PCDHGA5: variants seen among roughly 807,000 people sequenced by gnomAD.
PCDHGA5 encodes protocadherin gamma-A5.
PCDHGA5 carries 36 observed loss-of-function variants against 56.7 expected under a neutral mutation model. The observed-to-expected ratio is 0.64, with a 90% CI of 0.49 to 0.84. The LOEUF is 0.84. Among genes scored for constraint, PCDHGA5 ranks in the 40% least tolerant of loss-of-function variants. The probability of loss-of-function intolerance (pLI) is 0.00; values close to 1 mark genes in which losing one functional copy is unlikely to be tolerated. For synonymous variants in PCDHGA5, 563 were observed against 520.2 expected (o/e 1.08, Z -1.12); for missense variants, 1,305 against 1,201.5 (o/e 1.09, Z -1.27).
intron 1 of PCDHGA5, chr5:141,371,743 C>G: frequency 6.2e-7 from 1 of 1,614,054 alleles, no homozygotes; most frequent in South Asian, 1.1e-5. Flanking sequence ...GACAACGTTC[C>G]CGTTTTCCAC....
chr5:141,445,120 AT>A (rs1287463110), intron 1 of PCDHGA5, among the ~76,000 whole-genome samples: 1 of 152,228 alleles, frequency 6.6e-6, no homozygotes, highest in African/African-American at 2.4e-5. Flanking sequence ...TGTAAATAGT[AT>A]TTTTAAAATT....
chr5:141,383,695 G>C (rs373055594), intron 1 of PCDHGA5: 3 of 1,613,974 alleles, frequency 1.9e-6, no homozygotes, highest in Non-Finnish European at 2.5e-6. Context: ...CACGGTACAT[G>C]CTATCGACCT....
At position 141,431,317 on chromosome 5, in the gene PCDHGA5, C is replaced by T. The variant is rs778667104; in HGVS notation, c.2422-63490C>T. ...TCTCCCTCATCGTGCAAAATGGAGC[C>T]GACGGTAGTAAGTACCCCGAATTGG... On this transcript the variant is annotated intron_variant, in intron 1 of 3. Coordinates refer to ENST00000518069, the MANE Select transcript of PCDHGA5 (RefSeq NM_018918.3). This position sits in a 1 kb window ranked among gnomAD's most constrained non-coding sequence, Gnocchi z 4.8. The T allele has an allele frequency of 6.2e-6, 10 of 1,613,964 alleles. No homozygotes were observed. The highest frequency in any genetic ancestry group is 7.6e-6 in the Non-Finnish European group (9 of 1,180,046).
chr5:141,413,207 C>CA lies in PCDHGA5; in HGVS notation c.2421+46459dup, dbSNP rs753988593. On this transcript the variant is annotated intron_variant, in intron 1 of 3. Transcript: ENST00000518069. The stretch of plus-strand genomic sequence containing the variant: ...GCTCAAAGGAATCGCTCAAAGGAAT[C>CA]AAAGGATTGCAGCGGGCTGGTCCTG... The CA allele has an allele frequency of 1.7e-5, 27 of 1,612,874 alleles. No homozygotes were observed. In the East Asian group the frequency reaches 6.0e-4, roughly 36 times the overall value.
At chr5:141,481,844 G>A (rs552753850) in intron 1 of PCDHGA5, among the ~76,000 whole-genome samples, 7 of 151,350 alleles carry the variant, frequency 4.6e-5, no homozygotes, top group Admixed American at 1.3e-4. Context: ...TCGCTTGATG[G>A]TGGAGGTTGC....
At position 141,431,376 on chromosome 5, in the gene PCDHGA5, C is replaced by T. The variant is rs558222633; in HGVS notation, c.2422-63431C>T. The T allele has an allele frequency of 1.2e-6, 2 of 1,613,436 alleles. No homozygotes were observed. Among genetic ancestry groups the T allele is most frequent in the African/African-American group, 2.7e-5 (2 of 75,070 alleles). On this transcript the variant is annotated intron_variant, in intron 1 of 3. Coordinates refer to ENST00000518069, the MANE Select transcript of PCDHGA5 (RefSeq NM_018918.3). The surrounding 1 kb of genome is among the most constrained non-coding windows in gnomAD (Gnocchi z 4.8). Reference sequence around the variant, plus strand: ...CGCGCCCTGGACCGCGAAGAAAAGGCTGCTCACCACCTGGTCCTTACGGCC... The same window carrying T: ...CGCGCCCTGGACCGCGAAGAAAAGGTTGCTCACCACCTGGTCCTTACGGCC...
intron 1 of PCDHGA5, chr5:141,383,809 T>A: frequency 6.2e-7 from 1 of 1,613,966 alleles, no homozygotes; most frequent in South Asian, 1.1e-5. Context: ...AATATCAACT[T>A]TAGAAGGATT....
rs764363553 is a variant in PCDHGA5 at position 141,432,120 on chromosome 5, A to C, written c.2422-62687A>C. The C allele has an allele frequency of 1.2e-6, 2 of 1,613,978 alleles. No homozygotes were observed. Among genetic ancestry groups the C allele is most frequent in the African/African-American group, 2.7e-5 (2 of 74,894 alleles). ...AACGACAACCCGCCGGTCTTCCCTC[A>C]GGCCTCCTATTCCGCTTATATCCCA... On this transcript the variant is annotated intron_variant, in intron 1 of 3. Transcript: ENST00000518069. The surrounding 1 kb of genome is among the most constrained non-coding windows in gnomAD (Gnocchi z 6.0).
rs57426385 is a variant in PCDHGA5, at chr5:141,415,740, G to GTTTTTTTTTTTTT, written c.2421+49009_2421+49021dup. ...TGAGTAGAATTTGATGTTTATTAAGGTTTTTTTTTTTTTTTTTTTTTTTTT... is the reference window on the plus strand; with the variant it reads ...TGAGTAGAATTTGATGTTTATTAAGGTTTTTTTTTTTTTTTTTTTTTTTTTTTTTTTTTTTTTT... On this transcript the variant is annotated intron_variant, in intron 1 of 3. Coordinates refer to ENST00000518069, the MANE Select transcript of PCDHGA5 (RefSeq NM_018918.3). The GTTTTTTTTTTTTT allele has an allele frequency of 2.5e-4, 159 of 625,022 alleles. 3 individuals carry two copies. Among genetic ancestry groups the GTTTTTTTTTTTTT allele is most frequent in the Admixed American group, 5.7e-4 (8 of 14,124 alleles). 38.7% of individuals were successfully genotyped at this position (625,022 alleles called of 1,614,324 possible).
At position 141,485,880 on chromosome 5, in the gene PCDHGA5, A is replaced by G; in HGVS notation, c.2422-8927A>G. 1 of 1,614,124 alleles carries G rather than the reference A, an allele frequency of 6.2e-7. No individual in the cohort carries two copies. Among genetic ancestry groups the G allele is most frequent in the Non-Finnish European group, 8.5e-7 (1 of 1,180,026 alleles). On this transcript the variant is annotated intron_variant, in intron 1 of 3. Transcript: ENST00000518069. The surrounding 1 kb of genome is among the most constrained non-coding windows in gnomAD (Gnocchi z 5.7). ...CTCCGGGTATCCGTGCTGGACGTAA[A>G]CGACAACGCCCCAGCCTTCCAGCAA... is the stretch of plus-strand genomic sequence containing the variant.
At chr5:141,494,937 G>A (rs759078748) in intron 2 of PCDHGA5, 72 bp downstream of exon 2, 130 of 1,612,276 alleles carry the variant, frequency 8.1e-5, no homozygotes, top group Non-Finnish European at 1.1e-4. Context: ...GAGGAGATGG[G>A]GGAGGGCCCA....
intron 1 of PCDHGA5, chr5:141,370,647 C>T: frequency 6.2e-7 from 1 of 1,613,884 alleles, no homozygotes; most frequent in African/African-American, 1.3e-5. Flanking sequence ...TGGGAACTTA[C>T]TTGTGAGCGA....
At chr5:141,396,764 T>C (rs1040059955) in intron 1 of PCDHGA5, 1 of 152,236 alleles carries the variant, frequency 6.6e-6, no homozygotes, top group Non-Finnish European at 1.5e-5. Context: ...CCAATAAATG[T>C]TTGTTATTAA....
In PCDHGA5 at chr5:141,485,615, C is replaced by G; in HGVS notation, c.2422-9192C>G. ...CTTGGAAATTGGGGAGGCAGCTCCTCCAGGACAGCGTTTCCCGTTGGAAAA... is the reference window on the plus strand; with the variant it reads ...CTTGGAAATTGGGGAGGCAGCTCCTGCAGGACAGCGTTTCCCGTTGGAAAA... On this transcript the variant is annotated intron_variant, in intron 1 of 3. Coordinates refer to ENST00000518069, the MANE Select transcript of PCDHGA5 (RefSeq NM_018918.3). This position sits in a 1 kb window ranked among gnomAD's most constrained non-coding sequence, Gnocchi z 5.7. 6.2e-7 allele frequency: 1 copy of G among 1,612,250 alleles called. No individual in the cohort carries two copies. The highest frequency in any genetic ancestry group is 1.3e-5 in the African/African-American group (1 of 74,992).
chr5:141,416,452 A>T (rs2154546483), intron 1 of PCDHGA5: 1 of 152,342 alleles, frequency 6.6e-6, no homozygotes, highest in African/African-American at 2.4e-5. Flanking sequence ...ATGGGTTGGG[A>T]AGACAGATAA....
intron 1 of PCDHGA5, chr5:141,370,646 A>G: frequency 1.2e-6 from 2 of 1,613,916 alleles, no homozygotes; most frequent in Non-Finnish European, 1.7e-6. Context: ...ATGGGAACTT[A>G]CTTGTGAGCG....
At chr5:141,415,503 G>A (rs1354902623) in intron 1 of PCDHGA5, 1 of 1,614,212 alleles carries the variant, frequency 6.2e-7, no homozygotes. Flanking sequence ...TCTTCCCCCA[G>A]CCCAATTATG....
chr5:141,384,370 T>G (rs769961814), intron 1 of PCDHGA5: 1 of 1,613,926 alleles, frequency 6.2e-7, no homozygotes, highest in South Asian at 1.1e-5. Context: ...CACTTATTCC[T>G]TGGCCGAAGA....
chr5:141,494,237 G>A (rs555725765), intron 1 of PCDHGA5, among the ~76,000 whole-genome samples: 3 of 152,312 alleles, frequency 2.0e-5, no homozygotes, highest in East Asian at 3.9e-4. Flanking sequence ...AATTAATAAT[G>A]TATTTAGCTG....
Sources: allele counts gnomAD v4.1 joint callset (sites outside exome capture counted in the v4.1 genomes callset), GRCh38; gene constraint gnomAD v4.1.1; non-coding constraint Gnocchi (gnomAD v3.1); transcripts MANE v1.5; gene names NCBI Gene and HGNC (gene_info 2026-07-23, HGNC 2026-07-21).